Variants in PRKCQ observed in about 807,000 individuals in gnomAD.
PRKCQ encodes the protein protein kinase C theta type.
Under a neutral mutation model 91.2 loss-of-function variants are expected in PRKCQ, and 41 were observed. The observed-to-expected ratio is 0.45, with a 90% CI of 0.35 to 0.58. The LOEUF (loss-of-function observed/expected upper bound fraction) is 0.58, where lower values mean the gene tolerates loss of function less well. PRKCQ is among the 20% of genes least tolerant of loss of function. PRKCQ has a pLI of 0.00. For synonymous variants in PRKCQ, 307 were observed against 316.9 expected (o/e 0.97, Z 0.33); for missense variants, 673 against 896.5 (o/e 0.75, Z 3.18).
intron 11 of PRKCQ, among the ~76,000 whole-genome samples, chr10:6,480,653 G>A (rs915322781): frequency 1.3e-5 from 2 of 152,206 alleles, no homozygotes; most frequent in African/African-American, 4.8e-5. Flanking sequence ...TGAAAGTCAG[G>A]TAAGATGAGA....
chr10:6,429,804 C>A (rs953555824), intron 17 of PRKCQ, among the ~76,000 whole-genome samples: 3 of 152,056 alleles, frequency 2.0e-5, no homozygotes, highest in African/African-American at 2.4e-5. Context: ...GGTGTGAACC[C>A]AGCTCACTGC....
chr10:6,400,933 A>G, the PRKCQ span, among the ~76,000 whole-genome samples: 1 of 152,252 alleles, frequency 6.6e-6, no homozygotes, highest in African/African-American at 2.4e-5. Flanking sequence ...GTTCCCTTTT[A>G]GAGCTTACTG....
At chr10:6,472,099 G>C (rs1403533737) in intron 12 of PRKCQ, among the ~76,000 whole-genome samples, 1 of 152,172 alleles carries the variant, frequency 6.6e-6, no homozygotes, top group Non-Finnish European at 1.5e-5. Context: ...ACAAGGTCAG[G>C]AGATTGAGAC....
At chr10:6,490,310 G>A (rs1209178531) in intron 8 of PRKCQ, among the ~76,000 whole-genome samples, 2 of 152,032 alleles carry the variant, frequency 1.3e-5, no homozygotes, top group Non-Finnish European at 2.9e-5. Flanking sequence ...ATGCTGTGCC[G>A]CCTTCCATCA....
chr10:6,531,844 C>T (rs1370119919), intron 1 of PRKCQ, among the ~76,000 whole-genome samples: 1 of 151,516 alleles, frequency 6.6e-6, no homozygotes, highest in African/African-American at 2.4e-5. Context: ...GCTGAAAGTG[C>T]CCTTATTGAT....
chr10:6,492,625 T>G (rs943287643), intron 7 of PRKCQ, among the ~76,000 whole-genome samples: 1 of 152,140 alleles, frequency 6.6e-6, no homozygotes, highest in African/African-American at 2.4e-5. Flanking sequence ...TGAAGGCTTA[T>G]CGGGGTAGGG....
intron 1 of PRKCQ, among the ~76,000 whole-genome samples, chr10:6,555,451 T>C (rs1251060463): frequency 6.6e-6 from 1 of 152,166 alleles, no homozygotes; most frequent in Non-Finnish European, 1.5e-5. Context: ...AGACATTCAG[T>C]GAATAATGCA....
intron 1 of PRKCQ, among the ~76,000 whole-genome samples, chr10:6,577,991 A>G (rs1841308042): frequency 6.6e-6 from 1 of 152,252 alleles, no homozygotes; most frequent in Admixed American, 6.5e-5. Flanking sequence ...GCAGAGAAGA[A>G]TTTAGTCTTT....
At chr10:6,555,374 G>GA (rs1840371514) in intron 1 of PRKCQ, among the ~76,000 whole-genome samples, 1 of 152,092 alleles carries the variant, frequency 6.6e-6, no homozygotes, top group Non-Finnish European at 1.5e-5. Flanking sequence ...TACATAACAG[G>GA]AAAAACCACT....
At chr10:6,434,377 A>G (rs1339996853) in intron 16 of PRKCQ, among the ~76,000 whole-genome samples, 1 of 152,228 alleles carries the variant, frequency 6.6e-6, no homozygotes, top group Non-Finnish European at 1.5e-5. Context: ...TGCAAAATTT[A>G]AAAATATATT....
chr10:6,436,585 C>T (rs773356211), intron 16 of PRKCQ, among the ~76,000 whole-genome samples: 1 of 152,166 alleles, frequency 6.6e-6, no homozygotes, highest in Non-Finnish European at 1.5e-5. Context: ...GTCCCCAGCA[C>T]CCCAACCCCA....
intron 11 of PRKCQ, among the ~76,000 whole-genome samples, chr10:6,482,362 G>A (rs1217897113): frequency 6.6e-6 from 1 of 152,186 alleles, no homozygotes; most frequent in Non-Finnish European, 1.5e-5. Flanking sequence ...CTAGGGAGCT[G>A]AGACAGGAGG....
intron 16 of PRKCQ, among the ~76,000 whole-genome samples, chr10:6,432,340 T>C (rs1347759969): frequency 1.3e-5 from 2 of 152,164 alleles, no homozygotes; most frequent in Non-Finnish European, 2.9e-5. Flanking sequence ...ACCAAAAAAA[T>C]ATAAAGACCA....
At chr10:6,530,106 G>A (rs1015642571) in intron 1 of PRKCQ, among the ~76,000 whole-genome samples, 14 of 152,266 alleles carry the variant, frequency 9.2e-5, no homozygotes, top group African/African-American at 3.4e-4. Flanking sequence ...ATATGCATAT[G>A]GGACAGGGTC....
upstream of PRKCQ, chr10:6,580,577 CG>C (rs1841445463): frequency 2.0e-5 from 3 of 152,356 alleles, no homozygotes; most frequent in Non-Finnish European, 4.4e-5. Flanking sequence ...GGGAGGGCGG[CG>C]AGGCGGAGCA....
intron 11 of PRKCQ, among the ~76,000 whole-genome samples, chr10:6,482,087 C>T (rs1045265030): frequency 2.0e-5 from 3 of 151,272 alleles, no homozygotes; most frequent in Non-Finnish European, 4.4e-5. Flanking sequence ...GCATGTATGG[C>T]AGGAAGAATT....
At chr10:6,425,843 A>C (rs1833106863), downstream of PRKCQ, among the ~76,000 whole-genome samples, 1 of 152,076 alleles carries the variant, frequency 6.6e-6, no homozygotes, top group South Asian at 2.1e-4. Flanking sequence ...AATAGACCTT[A>C]TTTTGGTCTA....
At chr10:6,514,096 T>C (rs1838628638) in intron 2 of PRKCQ, among the ~76,000 whole-genome samples, 1 of 152,196 alleles carries the variant, frequency 6.6e-6, no homozygotes, top group African/African-American at 2.4e-5. Flanking sequence ...GTCCCAGCAC[T>C]CTTGCAGTGG....
At chr10:6,551,092 C>A (rs890140033) in intron 1 of PRKCQ, among the ~76,000 whole-genome samples, 2 of 152,084 alleles carry the variant, frequency 1.3e-5, no homozygotes, top group African/African-American at 2.4e-5. Flanking sequence ...CAGATTATTT[C>A]ATCACCCAGG....
Sources: allele counts gnomAD v4.1 joint callset (sites outside exome capture counted in the v4.1 genomes callset), GRCh38; gene constraint gnomAD v4.1.1; transcripts MANE v1.5; gene names NCBI Gene and HGNC (gene_info 2026-07-23, HGNC 2026-07-21).